Variants in METTL15 observed in about 807,000 individuals in gnomAD.
The protein encoded by METTL15 is 12S rRNA N(4)-cytidine methyltransferase METTL15.
METTL15 carries 34 observed loss-of-function variants against 38.3 expected under a neutral mutation model. The observed-to-expected ratio is 0.89, with a 90% CI of 0.68 to 1.18. The LOEUF is 1.18. Ranked by LOEUF, METTL15 falls within the 50% of genes most tolerant of loss-of-function variation. The pLI is 0.00. For missense variants in METTL15, 438 were observed against 498.4 expected (o/e 0.88, Z 1.15); for synonymous variants, 162 against 170.9 (o/e 0.95, Z 0.41).
downstream of METTL15, among the ~76,000 whole-genome samples, chr11:28,529,403 GT>G (rs903336312): frequency 3.3e-5 from 5 of 151,908 alleles, no homozygotes; most frequent in African/African-American, 1.2e-4. Flanking sequence ...CACAAAGGAT[GT>G]AACTTTATGA....
Position 28,200,351 on chromosome 11 carries a change from T to A in METTL15, c.271-10711T>A, listed in dbSNP as rs117733072. On this transcript the variant is annotated intron_variant, in intron 3 of 6. Transcript: ENST00000407364. ...AGTACAGCTTTGAGAATTACTTAATTAACTGAAAGTGTGTATGTGTGTGTT... is the reference window on the plus strand; with the variant it reads ...AGTACAGCTTTGAGAATTACTTAATAAACTGAAAGTGTGTATGTGTGTGTT... Among the ~76,000 whole-genome samples the A allele has an allele frequency of 4.6e-3, 699 of 152,308 alleles. 6 individuals are homozygous for A. The East Asian group carries it at 0.049, about 11-fold the overall frequency.
intron 5 of METTL15, among the ~76,000 whole-genome samples, chr11:28,366,667 C>A (rs1341884751): frequency 6.6e-6 from 1 of 151,992 alleles, no homozygotes; most frequent in Non-Finnish European, 1.5e-5. Flanking sequence ...TCTGTAGGAG[C>A]CTGTAAGAAA....
At chr11:28,372,217 C>T (rs1056696838) in intron 5 of METTL15, among the ~76,000 whole-genome samples, 3 of 151,932 alleles carry the variant, frequency 2.0e-5, no homozygotes, top group African/African-American at 7.2e-5. Context: ...ACTTTTCCAG[C>T]ACCTATTGAA....
intron 3 of METTL15, among the ~76,000 whole-genome samples, chr11:28,187,473 G>A (rs1490552210): frequency 1.3e-5 from 2 of 149,848 alleles, no homozygotes; most frequent in East Asian, 3.9e-4. Flanking sequence ...CTGAAAAGGG[G>A]AAAGCGTATT....
chr11:28,476,059 G>A (rs1851343935), intron 6 of METTL15, among the ~76,000 whole-genome samples: 1 of 152,210 alleles, frequency 6.6e-6, no homozygotes, highest in African/African-American at 2.4e-5. Flanking sequence ...TGCTTCCGCA[G>A]AACCAGGCTT....
intron 5 of METTL15, among the ~76,000 whole-genome samples, chr11:28,418,994 A>G (rs1234554060): frequency 6.6e-6 from 1 of 152,218 alleles, no homozygotes; most frequent in Non-Finnish European, 1.5e-5. Context: ...GTTTAGGCCC[A>G]AAAGGACTGC....
chr11:28,124,878 G>A (rs560946876), intron 3 of METTL15, among the ~76,000 whole-genome samples: 27 of 151,916 alleles, frequency 1.8e-4, no homozygotes, highest in African/African-American at 5.1e-4. Flanking sequence ...TTTTTCTACC[G>A]GTATAGAATA....
chr11:28,210,958 C>T (rs1852609680), intron 3 of METTL15, 104 bp from the exon 4 acceptor site: 4 of 1,195,664 alleles, frequency 3.3e-6, no homozygotes, highest in Non-Finnish European at 4.6e-6. Flanking sequence ...TTCCTATTTA[C>T]TGTCAAGTCT....
intron 3 of METTL15, among the ~76,000 whole-genome samples, chr11:28,209,739 C>G (rs1852543113): frequency 6.6e-6 from 1 of 151,900 alleles, no homozygotes; most frequent in Admixed American, 6.6e-5. Flanking sequence ...GCCAAAAAAT[C>G]AAAGCATAAT....
intron 6 of METTL15, among the ~76,000 whole-genome samples, chr11:28,324,860 G>A (rs956264095): frequency 6.6e-6 from 1 of 152,150 alleles, no homozygotes; most frequent in Non-Finnish European, 1.5e-5. Flanking sequence ...GTAGGCAGGT[G>A]AAAGATGATT....
At chr11:28,383,932 A>T (rs759003985) in intron 5 of METTL15, among the ~76,000 whole-genome samples, 9 of 152,084 alleles carry the variant, frequency 5.9e-5, no homozygotes, top group Non-Finnish European at 8.8e-5. Flanking sequence ...CTTAGTACCC[A>T]TTAGTATTTT....
chr11:28,520,629 T>C (rs1173493788), intron 6 of METTL15, among the ~76,000 whole-genome samples: 1 of 152,228 alleles, frequency 6.6e-6, no homozygotes, highest in Non-Finnish European at 1.5e-5. Flanking sequence ...GTTTCAGGAT[T>C]ATCTGGTAAT....
At chr11:28,216,908 T>C (rs1196041930) in intron 4 of METTL15, among the ~76,000 whole-genome samples, 5 of 151,836 alleles carry the variant, frequency 3.3e-5, no homozygotes, top group East Asian at 1.9e-4. Flanking sequence ...TTTTTATGGC[T>C]GCATAGTATT....
chr11:28,292,628 C>T (rs1260184741), intron 5 of METTL15, among the ~76,000 whole-genome samples: 8 of 152,190 alleles, frequency 5.3e-5, no homozygotes, highest in South Asian at 4.1e-4. Context: ...CCTGAGGAAT[C>T]GCCACACTGA....
At chr11:28,302,560 C>A (rs1163818053) in intron 6 of METTL15, among the ~76,000 whole-genome samples, 3 of 152,138 alleles carry the variant, frequency 2.0e-5, no homozygotes, top group African/African-American at 7.2e-5. Flanking sequence ...TTGCTTGCTG[C>A]CATCCACATA....
intron 5 of METTL15, among the ~76,000 whole-genome samples, chr11:28,384,429 C>G (rs1699062434): frequency 1.3e-5 from 2 of 152,068 alleles, no homozygotes; most frequent in Non-Finnish European, 2.9e-5. Context: ...ATGCTTCAGC[C>G]TCCCAAGTAG....
At chr11:28,327,906 TA>T (rs1198515122) in intron 6 of METTL15, 3 of 469,700 alleles carry the variant, frequency 6.4e-6, no homozygotes, top group Non-Finnish European at 7.3e-6. Flanking sequence ...GATTCTGCAT[TA>T]AAATGTCAAT....
At chr11:28,152,984 A>C (rs1373975665) in intron 3 of METTL15, among the ~76,000 whole-genome samples, 1 of 152,030 alleles carries the variant, frequency 6.6e-6, no homozygotes, top group African/African-American at 2.4e-5. Flanking sequence ...TGGCATTTGC[A>C]AACTGTCACG....
At chr11:28,384,197 A>T (rs1200031189) in intron 5 of METTL15, among the ~76,000 whole-genome samples, 1 of 152,054 alleles carries the variant, frequency 6.6e-6, no homozygotes, top group Non-Finnish European at 1.5e-5. Flanking sequence ...CATTTTCTTT[A>T]TTCAATCCAC....
Sources: gnomAD v4.1 joint callset for allele counts (sites outside exome capture counted in the v4.1 genomes callset) on GRCh38, gnomAD v4.1.1 for gene constraint, MANE v1.5 for transcripts, NCBI Gene and HGNC (gene_info 2026-07-23, HGNC 2026-07-21) for gene names.